DNAAF9: variants seen among roughly 807,000 people sequenced by gnomAD.
DNAAF9 encodes the protein dynein axonemal assembly factor 9.
Under a neutral mutation model 167.0 loss-of-function variants are expected in DNAAF9, and 90 were observed. The ratio of observed to expected loss-of-function variants is 0.54; its 90% CI spans 0.45 to 0.64. DNAAF9 has a LOEUF of 0.64. Among genes scored for constraint, DNAAF9 ranks in the 30% least tolerant of loss-of-function variants. The pLI, the probability that DNAAF9 is intolerant of heterozygous loss-of-function variation, is 0.00. For missense variants in DNAAF9, 1,315 were observed against 1,442.2 expected (o/e 0.91, Z 1.43); for synonymous variants, 491 against 508.8 (o/e 0.96, Z 0.47).
At chr20:3,368,759 C>T (rs2083467113) in intron 6 of DNAAF9, among the ~76,000 whole-genome samples, 1 of 152,064 alleles carries the variant, frequency 6.6e-6, no homozygotes, top group South Asian at 2.1e-4. Flanking sequence ...ACCTCGTGAT[C>T]CCTCCGCCTC....
chr20:3,292,108 C>T (rs527834579), intron 25 of DNAAF9, among the ~76,000 whole-genome samples: 136 of 152,090 alleles, frequency 8.9e-4, no homozygotes, highest in Middle Eastern at 3.4e-3. Context: ...ACGCAATTCT[C>T]CTGTCTCAGC....
At chr20:3,355,766 T>C (rs570138833) in intron 7 of DNAAF9, among the ~76,000 whole-genome samples, 14 of 152,300 alleles carry the variant, frequency 9.2e-5, no homozygotes, top group Admixed American at 3.9e-4. Context: ...TATTTTAATA[T>C]GACACTAGGT....
chr20:3,296,795 T>C, intron 23 of DNAAF9, 66 bp downstream of exon 23: 2 of 990,044 alleles, frequency 2.0e-6, no homozygotes, highest in Admixed American at 1.8e-5. Flanking sequence ...ATGCGAGGCA[T>C]CCTGCAGAGA....
chr20:3,374,736 C>T (rs887367965), intron 5 of DNAAF9, among the ~76,000 whole-genome samples: 6 of 152,206 alleles, frequency 3.9e-5, no homozygotes, highest in South Asian at 2.1e-4. Flanking sequence ...GATGCCCCAA[C>T]ATCTATACTA....
chr20:3,252,243 C>T lies in DNAAF9; in HGVS notation c.*329G>A. The T allele has an allele frequency of 4.7e-6, 1 of 214,504 alleles. No individual in the cohort carries two copies. Among genetic ancestry groups the T allele is most frequent in the South Asian group, 8.3e-5 (1 of 12,110 alleles). 13.3% of individuals were successfully genotyped at this position (214,504 alleles called of 1,614,324 possible). On this transcript the variant is annotated 3_prime_UTR_variant, in exon 37 of 37. Coordinates refer to ENST00000252032, the MANE Select transcript of DNAAF9 (RefSeq NM_001009984.3). ...GTCCCAGTAGCTCCTCTGTGTAATC[C>T]TAATGCTTCTCCCCAACCTCAAGAG...
rs1436144378 is a variant in DNAAF9, at chr20:3,288,623, C to T, written c.2328-833G>A. 4.3e-4 allele frequency among the ~76,000 whole-genome samples: 66 copies of T among 152,268 alleles called. 1 individual carries two copies. Among genetic ancestry groups the T allele is most frequent in the Middle Eastern group, 3.4e-3 (1 of 294 alleles). On this transcript the variant is annotated intron_variant, in intron 26 of 36. Coordinates refer to ENST00000252032, the MANE Select transcript of DNAAF9 (RefSeq NM_001009984.3). ...TCCACAATATCCCATCCTAAACTGC[C>T]GACTCTCTATGCAATTTCAGGCTTC...
chr20:3,303,122 G>A (rs2069222686), intron 21 of DNAAF9, among the ~76,000 whole-genome samples: 1 of 151,896 alleles, frequency 6.6e-6, no homozygotes, highest in South Asian at 2.1e-4. Context: ...GGCGCCTGTA[G>A]TCTCAGCTAC....
intron 25 of DNAAF9, among the ~76,000 whole-genome samples, chr20:3,290,843 C>T (rs1217264948): frequency 1.4e-5 from 2 of 147,106 alleles, no homozygotes; most frequent in African/African-American, 5.1e-5. Context: ...GGCTGAAGTG[C>T]TGTGGTGTGA....
At chr20:3,352,041 G>A (rs1429179712) in intron 7 of DNAAF9, among the ~76,000 whole-genome samples, 7 of 152,000 alleles carry the variant, frequency 4.6e-5, no homozygotes. Flanking sequence ...TTACAGGTGT[G>A]AGCCACTACA....
intron 29 of DNAAF9, among the ~76,000 whole-genome samples, chr20:3,277,422 A>G (rs2122842745): frequency 6.6e-6 from 1 of 152,274 alleles, no homozygotes; most frequent in African/African-American, 2.4e-5. Context: ...ATATCTGGAT[A>G]CTGGCTGACT....
In DNAAF9 at chr20:3,263,816, T is replaced by G. The variant is rs75195533; in HGVS notation, c.2873+622A>C. Among the ~76,000 whole-genome samples, 400 of 152,324 alleles carry G rather than the reference T, an allele frequency of 2.6e-3. 4 individuals carry two copies. Among genetic ancestry groups the G allele is most frequent in the East Asian group, 0.018 (91 of 5,186 alleles). ...GAAAGACTGAATTATAAATTTTGAT[T>G]TTTATTAATTTACATTTCATTAAAT... is the stretch of plus-strand genomic sequence containing the variant. On this transcript the variant is annotated intron_variant, in intron 31 of 36. Coordinates refer to ENST00000252032, the MANE Select transcript of DNAAF9 (RefSeq NM_001009984.3).
intron 16 of DNAAF9, among the ~76,000 whole-genome samples, chr20:3,320,811 C>A (rs1351441897): frequency 6.6e-6 from 1 of 152,140 alleles, no homozygotes; most frequent in Non-Finnish European, 1.5e-5. Context: ...GCGCTTGTAC[C>A]AAATTATCCA....
intron 29 of DNAAF9, among the ~76,000 whole-genome samples, chr20:3,276,730 A>G (rs78411208): frequency 0.03 from 4,512 of 152,316 alleles, 99 homozygotes; most frequent in African/African-American, 0.055. Flanking sequence ...TAGGGTGCCA[A>G]TCATCACACG....
intron 10 of DNAAF9, among the ~76,000 whole-genome samples, chr20:3,338,530 G>A (rs2070012981): frequency 6.6e-6 from 1 of 151,874 alleles, no homozygotes; most frequent in African/African-American, 2.4e-5. Context: ...CATGAATTTT[G>A]GAAAATTCTT....
chr20:3,372,836 T>G (rs1319535710), intron 6 of DNAAF9, among the ~76,000 whole-genome samples: 1 of 152,174 alleles, frequency 6.6e-6, no homozygotes, highest in Non-Finnish European at 1.5e-5. Context: ...AATCAGTCAA[T>G]TCACATAAAG....
intron 16 of DNAAF9, among the ~76,000 whole-genome samples, chr20:3,319,815 T>C (rs1600776251): frequency 6.6e-6 from 1 of 152,202 alleles, no homozygotes. Context: ...AAGAGACAAG[T>C]AGGCGTCTAT....
At chr20:3,272,538 T>C (rs1369927713) in intron 29 of DNAAF9, among the ~76,000 whole-genome samples, 1 of 152,186 alleles carries the variant, frequency 6.6e-6, no homozygotes, top group African/African-American at 2.4e-5. Flanking sequence ...TTCATTAGGA[T>C]TTTCAGTTCC....
At chr20:3,266,531 G>A (rs1469687253) in intron 30 of DNAAF9, among the ~76,000 whole-genome samples, 2 of 152,198 alleles carry the variant, frequency 1.3e-5, no homozygotes, top group Non-Finnish European at 2.9e-5. Context: ...AGGCTGGAGT[G>A]CAGTGGCGCG....
chr20:3,331,168 C>A (rs1176447603), intron 11 of DNAAF9, among the ~76,000 whole-genome samples: 1 of 152,166 alleles, frequency 6.6e-6, no homozygotes, highest in African/African-American at 2.4e-5. Context: ...GCCTCCTGAA[C>A]CTTCACCCGC....
Sources: gnomAD v4.1 joint callset for allele counts (sites outside exome capture counted in the v4.1 genomes callset) on GRCh38, gnomAD v4.1.1 for gene constraint, MANE v1.5 for transcripts, NCBI Gene and HGNC (gene_info 2026-07-23, HGNC 2026-07-21) for gene names.